The following NSMCE2 variants were observed in gnomAD, a reference collection of about 807,000 sequenced individuals.
The protein encoded by NSMCE2 is NSE2 SUMO ligase component of SMC5/6 complex.
Under a neutral mutation model 23.8 loss-of-function variants are expected in NSMCE2, and 24 were observed. The ratio of observed to expected loss-of-function variants is 1.01; its 90% CI spans 0.73 to 1.42. The LOEUF is 1.42. Ranked by LOEUF, NSMCE2 falls within the 40% of genes most tolerant of loss-of-function variation. NSMCE2 has a pLI of 0.00. For synonymous variants in NSMCE2, 92 were observed against 94.1 expected, an observed-to-expected ratio of 0.98 and a Z score of 0.13; for missense variants, 284 against 296.5, an observed-to-expected ratio of 0.96 and a Z score of 0.31.
intron 5 of NSMCE2, among the ~76,000 whole-genome samples, chr8:125,326,322 AT>A (rs1481260195): frequency 6.6e-6 from 1 of 152,186 alleles, no homozygotes; most frequent in Non-Finnish European, 1.5e-5. Context: ...ATAGGAAATG[AT>A]CCCCCAAATA....
Position 125,356,258 on chromosome 8 carries a change from T to C in NSMCE2, c.419-961T>C, listed in dbSNP as rs553753020. Among the ~76,000 whole-genome samples, 7 of 151,934 alleles carry C rather than the reference T, an allele frequency of 4.6e-5. No homozygotes were observed. In the East Asian group the frequency reaches 1.2e-3, roughly 25 times the overall value. On this transcript the variant is annotated intron_variant, in intron 5 of 7. Transcript: ENST00000287437. The stretch of plus-strand genomic sequence containing the variant: ...TATGGGGGGGGGTGTTCTGGAAATA[T>C]AATTTTAACTTTTAAAATGTTTATG...
intron 5 of NSMCE2, among the ~76,000 whole-genome samples, chr8:125,245,408 C>T (rs889038200): frequency 5.3e-5 from 8 of 152,182 alleles, no homozygotes; most frequent in African/African-American, 1.9e-4. Context: ...AAAAAAGAAA[C>T]TTATCTATAA....
intron 3 of NSMCE2, among the ~76,000 whole-genome samples, chr8:125,108,044 TA>T (rs1277432039): frequency 1.3e-5 from 2 of 148,628 alleles, no homozygotes; most frequent in East Asian, 2.0e-4. Flanking sequence ...AAAAAAAAAA[TA>T]AAAAAAATTA....
chr8:125,131,514 A>G (rs531238857), intron 3 of NSMCE2, among the ~76,000 whole-genome samples: 3 of 152,274 alleles, frequency 2.0e-5, no homozygotes, highest in South Asian at 2.1e-4. Context: ...GAGTTACATC[A>G]TTACATCAGG....
At chr8:125,195,232 TTCAG>T (rs1363034522) in intron 5 of NSMCE2, among the ~76,000 whole-genome samples, 1 of 151,860 alleles carries the variant, frequency 6.6e-6, no homozygotes, top group Non-Finnish European at 1.5e-5. Context: ...AAAATCAGAG[TTCAG>T]TCTCTACCCC....
intron 3 of NSMCE2, among the ~76,000 whole-genome samples, chr8:125,113,849 G>C: frequency 6.6e-6 from 1 of 152,146 alleles, no homozygotes; most frequent in East Asian, 1.9e-4. Flanking sequence ...TTCAGGGACT[G>C]GGAGCTTTTC....
intron 5 of NSMCE2, chr8:125,351,493 A>G (rs1165108183): frequency 6.6e-6 from 1 of 152,198 alleles, no homozygotes; most frequent in African/African-American, 2.4e-5. Flanking sequence ...TCTGGAGGTC[A>G]AGTAGAGGTC....
At chr8:125,221,070 C>G (rs957057161) in intron 5 of NSMCE2, among the ~76,000 whole-genome samples, 1 of 152,150 alleles carries the variant, frequency 6.6e-6, no homozygotes, top group East Asian at 1.9e-4. Flanking sequence ...ATATCATGGT[C>G]ATACCCACCC....
At chr8:125,132,548 A>T (rs536490991) in intron 3 of NSMCE2, among the ~76,000 whole-genome samples, 2 of 152,028 alleles carry the variant, frequency 1.3e-5, no homozygotes, top group East Asian at 3.9e-4. Context: ...GCTGGAGTAC[A>T]CTAGTGCAGT....
intron 5 of NSMCE2, among the ~76,000 whole-genome samples, chr8:125,329,599 G>A (rs554444205): frequency 6.6e-6 from 1 of 152,286 alleles, no homozygotes; most frequent in African/African-American, 2.4e-5. Flanking sequence ...TGTCTAGCTT[G>A]TTCCGATATA....
intron 5 of NSMCE2, among the ~76,000 whole-genome samples, chr8:125,295,527 G>A (rs1479955364): frequency 1.3e-5 from 2 of 152,176 alleles, no homozygotes; most frequent in African/African-American, 4.8e-5. Flanking sequence ...TAACACACAG[G>A]TCGGAATTCT....
intron 3 of NSMCE2, among the ~76,000 whole-genome samples, chr8:125,143,879 G>A (rs1820515863): frequency 6.6e-6 from 1 of 152,138 alleles, no homozygotes; most frequent in South Asian, 2.1e-4. Flanking sequence ...AAGAAGTTTT[G>A]TAGACCCATA....
chr8:125,257,525 T>C (rs1372872402), intron 5 of NSMCE2, among the ~76,000 whole-genome samples: 4 of 47,604 alleles, frequency 8.4e-5, no homozygotes, highest in Non-Finnish European at 1.3e-4. Context: ...AATTTCTCTT[T>C]TTTTTTTTTT....
chr8:125,329,096 G>T (rs1338386516), intron 5 of NSMCE2, among the ~76,000 whole-genome samples: 1 of 152,192 alleles, frequency 6.6e-6, no homozygotes, highest in African/African-American at 2.4e-5. Flanking sequence ...GAATCATGTT[G>T]CAGCAACATC....
Position 125,215,945 on chromosome 8 carries a change from A to G in NSMCE2, c.418+33689A>G, listed in dbSNP as rs144124930. On this transcript the variant is annotated intron_variant, in intron 5 of 7. Transcript: ENST00000287437. ...AAGAATTGTGTGTTGGCACACACCT[A>G]TTGTCCTAGTTACTTGGGATCACTT... is the stretch of plus-strand genomic sequence containing the variant. 4.7e-3 allele frequency among the ~76,000 whole-genome samples: 713 copies of G among 152,288 alleles called. 7 individuals are homozygous for G. Among genetic ancestry groups the G allele is most frequent in the African/African-American group, 0.016 (677 of 41,544 alleles).
At chr8:125,286,870 AT>A (rs1294624884) in intron 5 of NSMCE2, among the ~76,000 whole-genome samples, 1 of 151,954 alleles carries the variant, frequency 6.6e-6, no homozygotes, top group Admixed American at 6.6e-5. Flanking sequence ...TCCTAAGAAA[AT>A]CATATGTGTG....
intron 3 of NSMCE2, among the ~76,000 whole-genome samples, chr8:125,126,343 C>A (rs1197296107): frequency 6.6e-6 from 1 of 151,430 alleles, no homozygotes. Context: ...AGCACTCCAG[C>A]CTGGGTGACA....
chr8:125,096,735 C>T (rs1273331751), intron 1 of NSMCE2, among the ~76,000 whole-genome samples: 4 of 150,514 alleles, frequency 2.7e-5, no homozygotes, highest in Admixed American at 1.3e-4. Context: ...CTCAGCCTCC[C>T]GAGTAGCTGG....
intron 4 of NSMCE2, among the ~76,000 whole-genome samples, chr8:125,168,774 G>A (rs1378272737): frequency 1.3e-5 from 2 of 152,190 alleles, no homozygotes; most frequent in Non-Finnish European, 2.9e-5. Flanking sequence ...CAGACTATAG[G>A]TATAGTTTGG....
Sources: gnomAD v4.1 joint callset for allele counts (sites outside exome capture counted in the v4.1 genomes callset) on GRCh38, gnomAD v4.1.1 for gene constraint, MANE v1.5 for transcripts, NCBI Gene and HGNC (gene_info 2026-07-23, HGNC 2026-07-21) for gene names.